The following SEMA3D variants were observed in gnomAD, a reference collection of about 807,000 sequenced individuals.
SEMA3D encodes the protein semaphorin 3D, also known as semaphorin-3D.
A neutral mutation model predicts 100.1 loss-of-function variants in SEMA3D; 84 were observed. The observed-to-expected ratio is 0.84, with a 90% CI of 0.70 to 1.01. The LOEUF is 1.01. Ranked by LOEUF, SEMA3D falls within the 50% of genes least tolerant of loss-of-function variation. The probability of loss-of-function intolerance (pLI) is 0.00; values close to 1 mark genes in which losing one functional copy is unlikely to be tolerated. For missense variants in SEMA3D, 875 were observed against 934.1 expected, an observed-to-expected ratio of 0.94 and a Z score of 0.82; for synonymous variants, 312 against 320.7, an observed-to-expected ratio of 0.97 and a Z score of 0.29.
chr7:85,018,344 T>A, intron 14 of SEMA3D, 51 bp from the exon 15 acceptor site: 1 of 1,129,674 alleles, frequency 8.9e-7, no homozygotes, highest in Non-Finnish European at 1.3e-6. Flanking sequence ...CAGGTTTTTA[T>A]ATTAAACAAT....
In SEMA3D at chr7:85,066,892, T is replaced by TCACACACACACACACA. The variant is rs542898682; in HGVS notation, c.589+1283_589+1298dup. Among the ~76,000 whole-genome samples the TCACACACACACACACA allele has an allele frequency of 3.1e-3, 336 of 106,878 alleles. 4 individuals are homozygous for TCACACACACACACACA. Among genetic ancestry groups the TCACACACACACACACA allele is most frequent in the African/African-American group, 0.012 (309 of 25,440 alleles). The allele number at this position is 106,878 out of a possible 152,430, so 70.1% of individuals were successfully genotyped here. A position where few individuals can be genotyped will look rare whatever the true frequency, so the allele number is the denominator to read the frequency against. On this transcript the variant is annotated intron_variant, in intron 7 of 18. Transcript: ENST00000284136. ...GCTAACTTCTAAAGGAAATGTGCGC[T>TCACACACACACACACA]CACACACACACACACACACACAGAG...
intron 7 of SEMA3D, among the ~76,000 whole-genome samples, chr7:85,066,186 C>T (rs139179336): frequency 8.5e-5 from 13 of 152,124 alleles, no homozygotes; most frequent in Non-Finnish European, 1.3e-4. Context: ...GTGTAAAGTA[C>T]ATGTTCTGTT....
chr7:85,123,561 A>G (rs1045907377), intron 2 of SEMA3D, among the ~76,000 whole-genome samples: 7 of 152,068 alleles, frequency 4.6e-5, no homozygotes, highest in African/African-American at 1.4e-4. Context: ...AGTTAAGTCA[A>G]GTCTTGGGAA....
intron 10 of SEMA3D, chr7:85,040,995 G>T: frequency 4.3e-6 from 1 of 233,892 alleles, no homozygotes; most frequent in Non-Finnish European, 8.1e-6. Context: ...CAAAAAATAA[G>T]TAATTTTTAC....
At chr7:85,030,451 C>T (rs1030703525) in intron 12 of SEMA3D, among the ~76,000 whole-genome samples, 2 of 144,340 alleles carry the variant, frequency 1.4e-5, no homozygotes, top group Non-Finnish European at 2.9e-5. Context: ...TAACATTTAA[C>T]GCGGTAACAA....
intron 3 of SEMA3D, among the ~76,000 whole-genome samples, chr7:85,100,993 A>G (rs1392468854): frequency 6.6e-6 from 1 of 152,084 alleles, no homozygotes; most frequent in African/African-American, 2.4e-5. Flanking sequence ...TACAACTTCA[A>G]TCATTTTTCA....
At chr7:85,031,291 A>G (rs1160885782) in intron 12 of SEMA3D, among the ~76,000 whole-genome samples, 1 of 152,022 alleles carries the variant, frequency 6.6e-6, no homozygotes, top group Non-Finnish European at 1.5e-5. Flanking sequence ...AGATGCAGAA[A>G]ATGTAAAAAC....
chr7:85,071,168 G>A (rs576273554), intron 6 of SEMA3D, among the ~76,000 whole-genome samples: 94 of 152,242 alleles, frequency 6.2e-4, no homozygotes, highest in African/African-American at 2.2e-3. Context: ...CAAACTGTGG[G>A]GCTATATCAG....
At position 85,036,929 on chromosome 7, in the gene SEMA3D, A is replaced by G; in HGVS notation, c.1151T>C (p.Val384Ala). 6.2e-7 allele frequency: 1 copy of G among 1,613,366 alleles called. No individual in the cohort carries two copies. Among genetic ancestry groups the G allele is most frequent in the Non-Finnish European group, 8.5e-7 (1 of 1,179,468 alleles). Reference protein sequence around the residue: ...AHKESADHRWVQYDGRIPYPR... With the variant: ...AHKESADHRWAQYDGRIPYPR... ...ATAAGGAATTCTCCCATCATACTGC[A>G]CCCAACGATGGTCTGCACTTTCCTT... The change falls in exon 12 of 19, where the codon GTG becomes GCG. Residue 384 changes from valine to alanine, a missense_variant. Coordinates refer to ENST00000284136, the MANE Select transcript of SEMA3D (RefSeq NM_001384900.1).
At position 84,999,637 on chromosome 7, in the gene SEMA3D, A is replaced by G; in HGVS notation, c.2137T>C (p.Tyr713His). Residue 713 changes from tyrosine to histidine, a missense_variant, in exon 19 of 19, where the codon TAC (tyrosine) becomes CAC (histidine). Coordinates refer to ENST00000284136, the MANE Select transcript of SEMA3D (RefSeq NM_001384900.1). ...KDLLAESRLR[Y>H]KDYIQILSSP... ...CTAAGGATTTGGATGTAGTCTTTGT[A>G]TCTCAACCGTGACTCAGCCAATAGA... The G allele has an allele frequency of 6.2e-7, 1 of 1,614,046 alleles. No homozygotes were observed. Among genetic ancestry groups the G allele is most frequent in the Non-Finnish European group, 8.5e-7 (1 of 1,180,008 alleles).
intron 1 of SEMA3D, among the ~76,000 whole-genome samples, chr7:85,171,568 A>G (rs1791082996): frequency 6.6e-6 from 1 of 151,886 alleles, no homozygotes; most frequent in Non-Finnish European, 1.5e-5. Flanking sequence ...ACCTTTTTTT[A>G]GTGACCTGGA....
the SEMA3D span, among the ~76,000 whole-genome samples, chr7:85,195,593 T>C: frequency 6.6e-6 from 1 of 152,058 alleles, no homozygotes; most frequent in African/African-American, 2.4e-5. Flanking sequence ...GCTGGGGCTA[T>C]AGGCATGGGA....
the SEMA3D span, among the ~76,000 whole-genome samples, chr7:85,247,993 A>G: frequency 1.3e-5 from 2 of 152,118 alleles, no homozygotes; most frequent in Non-Finnish European, 2.9e-5. Flanking sequence ...TGACATAGAT[A>G]CCATGCAAAA....
intron 8 of SEMA3D, among the ~76,000 whole-genome samples, chr7:85,064,389 C>T (rs2116136527): frequency 6.6e-6 from 1 of 152,230 alleles, no homozygotes. Context: ...CATGGATATT[C>T]TATATTTGTT....
the SEMA3D span, among the ~76,000 whole-genome samples, chr7:85,193,687 T>G: frequency 6.6e-6 from 1 of 152,078 alleles, no homozygotes; most frequent in African/African-American, 2.4e-5. Flanking sequence ...GAAGCAATGA[T>G]GAAGTTCACA....
chr7:85,143,022 C>T (rs1420778938), intron 2 of SEMA3D: 1 of 954,320 alleles, frequency 1.0e-6, no homozygotes, highest in Non-Finnish European at 1.2e-6. Context: ...ATAAATATGG[C>T]TTTCATATGT....
intron 2 of SEMA3D, among the ~76,000 whole-genome samples, chr7:85,148,798 T>C (rs1258277136): frequency 6.6e-6 from 1 of 151,972 alleles, no homozygotes; most frequent in African/African-American, 2.4e-5. Context: ...GGTGTGTACA[T>C]GTGTGTGTGC....
the SEMA3D span, among the ~76,000 whole-genome samples, chr7:85,207,594 A>G: frequency 6.6e-6 from 1 of 152,250 alleles, no homozygotes; most frequent in East Asian, 1.9e-4. Flanking sequence ...GTGAAAATTC[A>G]GAATTTTAAA....
At chr7:85,197,718 C>T in the SEMA3D span, among the ~76,000 whole-genome samples, 2 of 152,076 alleles carry the variant, frequency 1.3e-5, no homozygotes, top group Non-Finnish European at 2.9e-5. Flanking sequence ...AACCCTTTGG[C>T]AGTATAGATT....
Sources: allele counts gnomAD v4.1 joint callset (sites outside exome capture counted in the v4.1 genomes callset), GRCh38; gene constraint gnomAD v4.1.1; transcripts MANE v1.5; gene names NCBI Gene and HGNC (gene_info 2026-07-23, HGNC 2026-07-21).